Variants in LAMC1 observed in about 807,000 individuals in gnomAD.
LAMC1 encodes the protein laminin subunit gamma 1.
In LAMC1, 38 loss-of-function variants were observed where a neutral mutation model predicts 173.6. The ratio of observed to expected loss-of-function variants is 0.22; its 90% CI spans 0.17 to 0.29. The LOEUF (loss-of-function observed/expected upper bound fraction) is 0.29, where lower values mean the gene tolerates loss of function less well. LAMC1 is among the 10% of genes least tolerant of loss of function. The probability of loss-of-function intolerance (pLI) is 1.00; values close to 1 mark genes in which losing one functional copy is unlikely to be tolerated. For missense variants in LAMC1, 1,824 were observed against 2,051.8 expected (o/e 0.89, Z 2.14); for synonymous variants, 746 against 749.1 (o/e 1.00, Z 0.07).
rs181727429 is a variant in LAMC1 at position 183,053,923 on chromosome 1, G to A, written c.418+29789G>A. Among the ~76,000 whole-genome samples, 1,207 of 152,282 alleles carry A rather than the reference G, an allele frequency of 7.9e-3. 12 individuals are homozygous for A. Among genetic ancestry groups the A allele is most frequent in the Non-Finnish European group, 9.6e-3 (653 of 68,032 alleles). On this transcript the variant is annotated intron_variant, in intron 1 of 27. Coordinates refer to ENST00000258341, the MANE Select transcript of LAMC1 (RefSeq NM_002293.4). ...TTACAGGTGTGAGCCACTGCTCCTGGCCAAAGATAGGTTTTATTATTGGGA... is the reference window on the plus strand; with the variant it reads ...TTACAGGTGTGAGCCACTGCTCCTGACCAAAGATAGGTTTTATTATTGGGA...
chr1:183,068,625 A>G (rs760942685), intron 1 of LAMC1, among the ~76,000 whole-genome samples: 2 of 152,142 alleles, frequency 1.3e-5, no homozygotes, highest in Non-Finnish European at 2.9e-5. Context: ...TTCACAATTC[A>G]TGACTTTTTT....
At chr1:183,117,896 C>G (rs1656366042) in intron 10 of LAMC1, 138 bp from the exon 11 acceptor site, 1 of 741,704 alleles carries the variant, frequency 1.3e-6, no homozygotes, top group African/African-American at 1.8e-5. Context: ...AATTGTACTA[C>G]CAAACCAATA....
At chr1:183,080,295 C>T (rs1329785161) in intron 1 of LAMC1, among the ~76,000 whole-genome samples, 3 of 152,154 alleles carry the variant, frequency 2.0e-5, no homozygotes, top group Non-Finnish European at 2.9e-5. Context: ...ATTTTTTCCA[C>T]AGTGCTGTTT....
At chr1:183,108,062 C>T (rs1053776788) in intron 2 of LAMC1, among the ~76,000 whole-genome samples, 2 of 151,496 alleles carry the variant, frequency 1.3e-5, no homozygotes, top group African/African-American at 4.9e-5. Context: ...TTGGAGACTC[C>T]GAGTAGTAAA....
chr1:183,141,666 G>A (rs2027084), intron 27 of LAMC1, among the ~76,000 whole-genome samples: 80,787 of 151,974 alleles, frequency 0.53, 21,960 homozygotes, highest in South Asian at 0.65. Flanking sequence ...ATTTTTTATC[G>A]GTCTCAAATG....
At chr1:183,114,905 A>G (rs1286795700) in intron 5 of LAMC1, among the ~76,000 whole-genome samples, 186 bp downstream of exon 5, 1 of 152,240 alleles carries the variant, frequency 6.6e-6, no homozygotes, top group Non-Finnish European at 1.5e-5. Context: ...TTGAACTTTC[A>G]GATGAGTTTC....
chr1:183,029,351 A>T (rs10797816), intron 1 of LAMC1, among the ~76,000 whole-genome samples: 82,438 of 152,008 alleles, frequency 0.54, 22,528 homozygotes, highest in South Asian at 0.64. Context: ...CACAGCCTCC[A>T]AATAAACTGG....
chr1:183,117,063 T>G (rs958813785), intron 8 of LAMC1, 160 bp downstream of exon 8: 3 of 777,490 alleles, frequency 3.9e-6, no homozygotes, highest in Non-Finnish European at 5.9e-6. Flanking sequence ...TTTAATTTAA[T>G]GAAAATGTAC....
intron 17 of LAMC1, 140 bp downstream of exon 17, chr1:183,127,544 G>A (rs1055357692): frequency 4.6e-6 from 3 of 653,512 alleles, no homozygotes; most frequent in Non-Finnish European, 7.7e-6. Flanking sequence ...CAGTTGGGAG[G>A]CAAATAATAA....
intron 1 of LAMC1, among the ~76,000 whole-genome samples, chr1:183,053,008 C>T (rs938875280): frequency 2.6e-5 from 4 of 152,112 alleles, no homozygotes; most frequent in South Asian, 4.2e-4. Context: ...ATGTAAACAA[C>T]GATTACTCTG....
At chr1:183,036,661 G>T (rs1200716106) in intron 1 of LAMC1, among the ~76,000 whole-genome samples, 1 of 152,204 alleles carries the variant, frequency 6.6e-6, no homozygotes, top group Non-Finnish European at 1.5e-5. Flanking sequence ...AAAGTGCTGA[G>T]ATTACAGACG....
At chr1:183,118,193 TTA>T (rs1222753619) in intron 11 of LAMC1, 47 bp downstream of exon 11, 7 of 1,121,912 alleles carry the variant, frequency 6.2e-6, no homozygotes, top group Admixed American at 3.6e-5. Flanking sequence ...AGATGATTGG[TTA>T]GAAAGATTCA....
chr1:183,035,981 A>C (rs994413053), intron 1 of LAMC1, among the ~76,000 whole-genome samples: 1 of 150,670 alleles, frequency 6.6e-6, no homozygotes, highest in Non-Finnish European at 1.5e-5. Flanking sequence ...CCACTCCCCT[A>C]TTTTTCCTAT....
intron 1 of LAMC1, among the ~76,000 whole-genome samples, chr1:183,030,529 G>A (rs942248992): frequency 1.3e-5 from 2 of 152,142 alleles, no homozygotes; most frequent in Non-Finnish European, 2.9e-5. Flanking sequence ...CAAAACTTTT[G>A]AGCTTGTGTT....
Position 183,125,472 on chromosome 1 carries a change from T to TCAC in LAMC1, c.2723_2724insCAC (p.Leu908delinsPheThr). The TCAC allele has an allele frequency of 6.2e-7, 1 of 1,614,016 alleles. No homozygotes were observed. The highest frequency in any genetic ancestry group is 8.5e-7 in the Non-Finnish European group (1 of 1,179,830). ...CCCGTGACGGGGCAGTGTGAATGTT[T>TCAC]GCCTCACGTGACTGGCCAGGACTGT... On this transcript the variant is annotated protein_altering_variant, in exon 15 of 28. Transcript: ENST00000258341.
At chr1:183,079,267 TTTTTTGA>T in intron 1 of LAMC1, among the ~76,000 whole-genome samples, 1 of 100,420 alleles carries the variant, frequency 1.0e-5, no homozygotes, top group South Asian at 3.8e-4. Flanking sequence ...TTTTTTTTTT[TTTTTTGA>T]GATGGAGTCT....
At chr1:183,076,653 C>G (rs745520594) in intron 1 of LAMC1, among the ~76,000 whole-genome samples, 3 of 152,154 alleles carry the variant, frequency 2.0e-5, no homozygotes, top group Non-Finnish European at 2.9e-5. Flanking sequence ...GACAGTGTAC[C>G]CAGACCATAT....
intron 21 of LAMC1, 58 bp downstream of exon 21, chr1:183,132,595 G>C: frequency 7.3e-7 from 1 of 1,371,140 alleles, no homozygotes; most frequent in South Asian, 1.3e-5. Flanking sequence ...AGTAACACTA[G>C]TTCAATGAAA....
At chr1:183,115,752 C>T in intron 6 of LAMC1, 115 bp downstream of exon 6, 1 of 758,162 alleles carries the variant, frequency 1.3e-6, no homozygotes, top group Non-Finnish European at 2.3e-6. Flanking sequence ...TAATAATTGT[C>T]AACAAGACTG....
Sources: allele counts gnomAD v4.1 joint callset (sites outside exome capture counted in the v4.1 genomes callset), GRCh38; gene constraint gnomAD v4.1.1; transcripts MANE v1.5; gene names NCBI Gene and HGNC (gene_info 2026-07-23, HGNC 2026-07-21).